Variants in TAFA1 observed in about 807,000 individuals in gnomAD.
TAFA1 encodes TAFA chemokine like family member 1.
In TAFA1, 4 loss-of-function variants were observed where a neutral mutation model predicts 18.5. The ratio of observed to expected loss-of-function variants is 0.22; its 90% CI spans 0.11 to 0.49. TAFA1 has a LOEUF of 0.49. Ranked by LOEUF, TAFA1 falls within the 20% of genes least tolerant of loss-of-function variation. TAFA1 has a pLI of 0.98. For missense variants in TAFA1, 147 were observed against 169.0 expected (o/e 0.87, Z 0.72); for synonymous variants, 56 against 55.2 (o/e 1.01, Z -0.06).
At chr3:68,066,296 C>T (rs1339504668) in intron 2 of TAFA1, among the ~76,000 whole-genome samples, 1 of 152,054 alleles carries the variant, frequency 6.6e-6, no homozygotes, top group Non-Finnish European at 1.5e-5. Flanking sequence ...GTATTAGTTC[C>T]ATGAGAGCAG....
intron 2 of TAFA1, among the ~76,000 whole-genome samples, chr3:68,060,043 C>G (rs1256416348): frequency 6.6e-6 from 1 of 151,780 alleles, no homozygotes; most frequent in Non-Finnish European, 1.5e-5. Flanking sequence ...GGGGCTTGCT[C>G]CATGTATAAT....
At chr3:68,422,223 T>C (rs866337593) in intron 3 of TAFA1, among the ~76,000 whole-genome samples, 1 of 152,138 alleles carries the variant, frequency 6.6e-6, no homozygotes, top group Non-Finnish European at 1.5e-5. Context: ...AAAAACTTAT[T>C]GTTAATAGCT....
At chr3:68,352,392 A>C (rs2106777104) in intron 2 of TAFA1, among the ~76,000 whole-genome samples, 1 of 152,080 alleles carries the variant, frequency 6.6e-6, no homozygotes. Context: ...AATAACAATA[A>C]ATTCTAGAGA....
chr3:68,127,145 C>T (rs1315016942), intron 2 of TAFA1, among the ~76,000 whole-genome samples: 1 of 152,170 alleles, frequency 6.6e-6, no homozygotes, highest in Non-Finnish European at 1.5e-5. Flanking sequence ...AAGCAAAATT[C>T]ACCAATCCAA....
chr3:68,297,350 AT>A (rs1453000170), intron 2 of TAFA1, among the ~76,000 whole-genome samples: 2 of 152,200 alleles, frequency 1.3e-5, no homozygotes, highest in Admixed American at 6.5e-5. Flanking sequence ...AACAGTTAGC[AT>A]GGAACATTCC....
intron 2 of TAFA1, among the ~76,000 whole-genome samples, chr3:68,321,280 G>A (rs1406870676): frequency 6.6e-6 from 1 of 152,126 alleles, no homozygotes; most frequent in African/African-American, 2.4e-5. Flanking sequence ...TCTTGGTCAT[G>A]CCCATAAAAT....
intron 2 of TAFA1, among the ~76,000 whole-genome samples, chr3:68,315,456 G>A (rs1317497312): frequency 1.3e-5 from 2 of 152,110 alleles, no homozygotes; most frequent in African/African-American, 2.4e-5. Context: ...AGCTAATGGT[G>A]TATTTCCCCA....
chr3:68,402,287 G>A (rs1483880385), intron 2 of TAFA1, among the ~76,000 whole-genome samples: 2 of 152,134 alleles, frequency 1.3e-5, no homozygotes, highest in Non-Finnish European at 2.9e-5. Context: ...GTCTGTTAAG[G>A]GAAGCTCATT....
intron 2 of TAFA1, among the ~76,000 whole-genome samples, chr3:68,106,772 A>G (rs550404556): frequency 6.6e-6 from 1 of 152,254 alleles, no homozygotes; most frequent in South Asian, 2.1e-4. Flanking sequence ...AAATGATTTG[A>G]ACATATACCT....
intron 3 of TAFA1, among the ~76,000 whole-genome samples, chr3:68,491,985 A>G (rs1012903105): frequency 2.0e-5 from 3 of 152,192 alleles, no homozygotes; most frequent in Non-Finnish European, 1.5e-5. Context: ...ACCTACCTCA[A>G]TAGTAAAAAA....
intron 3 of TAFA1, among the ~76,000 whole-genome samples, chr3:68,530,544 A>G (rs2073174181): frequency 6.6e-6 from 1 of 152,194 alleles, no homozygotes; most frequent in African/African-American, 2.4e-5. Flanking sequence ...CTAGAACCCC[A>G]GGGTTAAAAG....
intron 2 of TAFA1, among the ~76,000 whole-genome samples, chr3:68,215,619 G>A (rs1213862755): frequency 6.6e-6 from 1 of 152,046 alleles, no homozygotes; most frequent in African/African-American, 2.4e-5. Flanking sequence ...TCTGATAAGG[G>A]ACGATGAGCC....
chr3:68,504,221 A>G (rs1052496157), intron 3 of TAFA1, among the ~76,000 whole-genome samples: 4 of 152,106 alleles, frequency 2.6e-5, no homozygotes, highest in Admixed American at 1.3e-4. Context: ...TTTCTTTCGC[A>G]TAAAACCTAG....
chr3:68,145,375 A>G (rs1308975327), intron 2 of TAFA1: 2 of 824,930 alleles, frequency 2.4e-6, no homozygotes, highest in Non-Finnish European at 4.4e-6. Context: ...TCTCTCAAGC[A>G]TATACTTCAA....
intron 2 of TAFA1, among the ~76,000 whole-genome samples, chr3:68,209,065 A>C (rs1023074699): frequency 6.6e-5 from 10 of 151,954 alleles, no homozygotes; most frequent in African/African-American, 2.4e-4. Flanking sequence ...AAACCCACCC[A>C]ATGACTAGCA....
intron 2 of TAFA1, among the ~76,000 whole-genome samples, chr3:68,178,036 C>T (rs186350953): frequency 3.3e-5 from 5 of 151,988 alleles, no homozygotes; most frequent in East Asian, 3.9e-4. Flanking sequence ...CCCAGCTACT[C>T]GGGAGGCTGA....
At chr3:68,262,206 T>C (rs1364975278) in intron 2 of TAFA1, among the ~76,000 whole-genome samples, 1 of 149,680 alleles carries the variant, frequency 6.7e-6, no homozygotes, top group Non-Finnish European at 1.5e-5. Context: ...CTTGCTTTTT[T>C]CTCCCATTAT....
intron 2 of TAFA1, among the ~76,000 whole-genome samples, chr3:68,337,327 T>C (rs985420750): frequency 1.3e-5 from 2 of 151,884 alleles, no homozygotes; most frequent in Non-Finnish European, 2.9e-5. Flanking sequence ...GTGCCACACA[T>C]TTAAACAATC....
At chr3:68,470,550 T>C (rs1348386913) in intron 3 of TAFA1, among the ~76,000 whole-genome samples, 1 of 152,138 alleles carries the variant, frequency 6.6e-6, no homozygotes, top group Non-Finnish European at 1.5e-5. Flanking sequence ...GATGAGAAAA[T>C]TGTTGGGAAC....
Sources: gnomAD v4.1 joint callset for allele counts (sites outside exome capture counted in the v4.1 genomes callset) on GRCh38, gnomAD v4.1.1 for gene constraint, MANE v1.5 for transcripts, NCBI Gene and HGNC (gene_info 2026-07-23, HGNC 2026-07-21) for gene names.